Variants in DYNC1I1 observed in about 807,000 individuals in gnomAD.
DYNC1I1 encodes the protein dynein cytoplasmic 1 intermediate chain 1.
DYNC1I1 carries 43 observed loss-of-function variants against 86.6 expected under a neutral mutation model. The ratio of observed to expected loss-of-function variants is 0.50; its 90% CI spans 0.39 to 0.64. The LOEUF is 0.64. DYNC1I1 is among the 30% of genes least tolerant of loss of function. The probability of loss-of-function intolerance (pLI) is 0.00; values close to 1 mark genes in which losing one functional copy is unlikely to be tolerated. For synonymous variants in DYNC1I1, 262 were observed against 283.7 expected (o/e 0.92, Z 0.77); for missense variants, 604 against 788.8 (o/e 0.77, Z 2.81).
chr7:95,880,392 G>A lies in DYNC1I1; in HGVS notation c.490+10394G>A, dbSNP rs116643248. On this transcript the variant is annotated intron_variant, in intron 6 of 16. Transcript: ENST00000447467. The stretch of plus-strand genomic sequence containing the variant: ...AGGAGGTGGAATGATTTATCCAATT[G>A]GTAGGTTTGGATAAACGACCCGGGC... Among the ~76,000 whole-genome samples, 1,041 of 152,170 alleles carry A rather than the reference G, an allele frequency of 6.8e-3. 20 individuals carry two copies. The highest frequency in any genetic ancestry group is 0.023 in the African/African-American group (952 of 41,514).
intron 6 of DYNC1I1, among the ~76,000 whole-genome samples, chr7:95,898,222 T>C (rs1468760031): frequency 6.6e-6 from 1 of 152,216 alleles, no homozygotes; most frequent in Non-Finnish European, 1.5e-5. Flanking sequence ...ATGTTAATGA[T>C]TTGAATATCA....
chr7:95,937,135 G>A (rs1055964551), intron 6 of DYNC1I1, among the ~76,000 whole-genome samples: 2 of 151,988 alleles, frequency 1.3e-5, no homozygotes, highest in Non-Finnish European at 2.9e-5. Context: ...TAAATTCCTA[G>A]AAGCAATGTC....
intron 6 of DYNC1I1, among the ~76,000 whole-genome samples, chr7:95,895,733 A>C (rs897055565): frequency 6.6e-6 from 1 of 152,272 alleles, no homozygotes; most frequent in Non-Finnish European, 1.5e-5. Context: ...GCAAAAAAAA[A>C]GTGAGAAATG....
At chr7:96,022,896 GA>G (rs994348325) in intron 10 of DYNC1I1, among the ~76,000 whole-genome samples, 5 of 151,024 alleles carry the variant, frequency 3.3e-5, no homozygotes, top group African/African-American at 7.3e-5. Flanking sequence ...ATAATATAAA[GA>G]AAAAAAGACC....
At chr7:95,973,379 A>T (rs1347999035) in intron 6 of DYNC1I1, among the ~76,000 whole-genome samples, 2 of 152,206 alleles carry the variant, frequency 1.3e-5, no homozygotes, top group African/African-American at 2.4e-5. Flanking sequence ...GCTGATAGAC[A>T]AAGAATTCTG....
intron 10 of DYNC1I1, among the ~76,000 whole-genome samples, chr7:95,999,877 A>G (rs947203121): frequency 6.6e-5 from 10 of 152,094 alleles, no homozygotes; most frequent in Non-Finnish European, 1.5e-4. Context: ...TCCTCCATCA[A>G]TTTTTGTCCC....
intron 1 of DYNC1I1, among the ~76,000 whole-genome samples, chr7:95,780,714 A>G (rs1793969808): frequency 6.6e-6 from 1 of 152,206 alleles, no homozygotes; most frequent in Admixed American, 6.5e-5. Context: ...TAGATCCTAC[A>G]GCACACCATG....
chr7:96,106,528 C>G (rs1001963888), intron 16 of DYNC1I1, among the ~76,000 whole-genome samples: 1 of 151,726 alleles, frequency 6.6e-6, no homozygotes, highest in Non-Finnish European at 1.5e-5. Context: ...AGAGCGAAAC[C>G]CTGTCTCAAA....
In DYNC1I1 at chr7:96,080,228, C is replaced by G. The variant is rs189040266; in HGVS notation, c.1651-135C>G. The G allele has an allele frequency of 3.7e-4, 418 of 1,133,710 alleles. 1 individual carries two copies. In the African/African-American group the frequency reaches 6.2e-3, roughly 17 times the overall value. 70.2% of individuals were successfully genotyped at this position (1,133,710 alleles called of 1,614,324 possible). A position where few individuals can be genotyped will look rare whatever the true frequency, so the allele number is the denominator to read the frequency against. On this transcript the variant is annotated intron_variant, in intron 15 of 16. Coordinates refer to ENST00000447467, the MANE Select transcript of DYNC1I1 (RefSeq NM_001135556.2). ...AAGAACAATGAGCCCTTTTTCCCCC[C>G]GGCACAAGGGATGTGTATTACTTAA...
At chr7:95,880,825 T>C (rs1346247642) in intron 6 of DYNC1I1, among the ~76,000 whole-genome samples, 3 of 151,932 alleles carry the variant, frequency 2.0e-5, no homozygotes, top group Admixed American at 2.0e-4. Context: ...TTTGTATTTT[T>C]AGTAGAGATG....
chr7:95,855,104 C>A (rs1272736225), intron 5 of DYNC1I1, among the ~76,000 whole-genome samples: 6 of 152,294 alleles, frequency 3.9e-5, no homozygotes, highest in Admixed American at 3.9e-4. Flanking sequence ...TTGAAGAACT[C>A]CCTTCAGTTT....
chr7:95,785,775 GTATATATA>G (rs200152096), intron 1 of DYNC1I1, among the ~76,000 whole-genome samples: 8,780 of 124,794 alleles, frequency 0.07, 489 homozygotes, highest in African/African-American at 0.13. Flanking sequence ...GTGTGTATGT[GTATATATA>G]TATATATATA....
At chr7:96,008,788 A>G (rs1200074536) in intron 10 of DYNC1I1, among the ~76,000 whole-genome samples, 4 of 152,342 alleles carry the variant, frequency 2.6e-5, no homozygotes, top group Middle Eastern at 3.4e-3. Context: ...GCAAAAACCT[A>G]AAGAGAAGGC....
intron 6 of DYNC1I1, among the ~76,000 whole-genome samples, chr7:95,871,226 A>G (rs1204330782): frequency 6.6e-6 from 1 of 152,174 alleles, no homozygotes; most frequent in African/African-American, 2.4e-5. Flanking sequence ...CAGGGCCTCC[A>G]TTTCTCAAGC....
intron 14 of DYNC1I1, among the ~76,000 whole-genome samples, chr7:96,067,706 T>C (rs1464995391): frequency 6.6e-6 from 1 of 152,202 alleles, no homozygotes; most frequent in Admixed American, 6.5e-5. Context: ...AGACTTGAAA[T>C]TTATTCAGCT....
intron 1 of DYNC1I1, among the ~76,000 whole-genome samples, chr7:95,793,572 A>T (rs930012449): frequency 6.6e-6 from 1 of 152,176 alleles, no homozygotes; most frequent in African/African-American, 2.4e-5. Flanking sequence ...GCAGTTTAGA[A>T]TTATTTCTAT....
intron 5 of DYNC1I1, among the ~76,000 whole-genome samples, chr7:95,853,860 A>T (rs1450226586): frequency 6.6e-6 from 1 of 152,178 alleles, no homozygotes; most frequent in African/African-American, 2.4e-5. Context: ...AATGTTATGG[A>T]TATAACAACT....
intron 5 of DYNC1I1, among the ~76,000 whole-genome samples, chr7:95,851,936 T>A (rs1789590280): frequency 6.6e-6 from 1 of 152,200 alleles, no homozygotes; most frequent in Non-Finnish European, 1.5e-5. Context: ...AGTGCTGGGA[T>A]TACAGGTGTG....
chr7:95,973,363 TA>T (rs1365831403), intron 6 of DYNC1I1, among the ~76,000 whole-genome samples: 1 of 152,192 alleles, frequency 6.6e-6, no homozygotes, highest in East Asian at 1.9e-4. Flanking sequence ...TTTATGTCTT[TA>T]AAAGGCTGAT....
Sources: gnomAD v4.1 joint callset for allele counts (sites outside exome capture counted in the v4.1 genomes callset) on GRCh38, gnomAD v4.1.1 for gene constraint, MANE v1.5 for transcripts, NCBI Gene and HGNC (gene_info 2026-07-23, HGNC 2026-07-21) for gene names.